CSMD1: variants seen among roughly 807,000 people sequenced by gnomAD.
CSMD1 encodes CUB and Sushi multiple domains 1, also known as CUB and sushi domain-containing protein 1.
In CSMD1, 213 loss-of-function variants were observed where a neutral mutation model predicts 417.5. That is an observed-to-expected ratio of 0.51 (90% CI 0.46 to 0.57). The LOEUF is 0.57. CSMD1 is among the 20% of genes least tolerant of loss of function. The pLI is 0.00. For missense variants in CSMD1, 6,923 were observed against 4,529.7 expected (o/e 1.53, Z -15.17); for synonymous variants, 2,862 against 1,736.8 (o/e 1.65, Z -16.11).
chr8:4,222,587 G>C (rs1045880650), intron 3 of CSMD1, among the ~76,000 whole-genome samples: 2 of 152,172 alleles, frequency 1.3e-5, no homozygotes, highest in South Asian at 4.1e-4. Context: ...TTAAAAATCT[G>C]ATTGTCCGAA....
chr8:2,966,985 T>C (rs917637894), intron 57 of CSMD1, among the ~76,000 whole-genome samples: 2 of 152,232 alleles, frequency 1.3e-5, no homozygotes, highest in African/African-American at 4.8e-5. Context: ...GAACTATTTC[T>C]AAACAAATTA....
intron 2 of CSMD1, among the ~76,000 whole-genome samples, chr8:4,559,897 A>T (rs17070614): frequency 0.022 from 3,384 of 152,302 alleles, 144 homozygotes; most frequent in African/African-American, 0.077. Context: ...TCTTTGGGTA[A>T]CTTGGGTTTC....
intron 3 of CSMD1, among the ~76,000 whole-genome samples, chr8:4,122,841 C>T (rs573123049): frequency 6.6e-6 from 1 of 152,270 alleles, no homozygotes; most frequent in South Asian, 2.1e-4. Flanking sequence ...ACAGAGTTCA[C>T]AGAGAACAGA....
At chr8:4,904,489 AT>A (rs755384411) in intron 1 of CSMD1, among the ~76,000 whole-genome samples, 27 of 152,294 alleles carry the variant, frequency 1.8e-4, no homozygotes, top group African/African-American at 6.5e-4. Context: ...GTAGGGCTCA[AT>A]CGTCCTGACT....
rs1019125835 is a variant in CSMD1, at chr8:4,445,107, A to G, written c.303-25042T>C. 3.0e-4 allele frequency among the ~76,000 whole-genome samples: 45 copies of G among 152,362 alleles called. 1 individual carries two copies. The highest frequency in any genetic ancestry group is 1.6e-3 in the Admixed American group (24 of 15,312). On this transcript the variant is annotated intron_variant, in intron 2 of 69. Coordinates refer to ENST00000635120, the MANE Select transcript of CSMD1 (RefSeq NM_033225.6). ...CATGTTACTTCTCTGAACAACAAAA[A>G]AAGTATGACTGGATAGTAGATACAG... is the stretch of plus-strand genomic sequence containing the variant.
At chr8:4,316,245 G>C (rs1798923372) in intron 3 of CSMD1, among the ~76,000 whole-genome samples, 1 of 152,118 alleles carries the variant, frequency 6.6e-6, no homozygotes, top group South Asian at 2.1e-4. Context: ...TCCATTTGTA[G>C]TGATTTTTCA....
intron 5 of CSMD1, among the ~76,000 whole-genome samples, chr8:3,880,029 A>G (rs935453804): frequency 6.6e-6 from 1 of 151,382 alleles, no homozygotes; most frequent in Non-Finnish European, 1.5e-5. Context: ...ATGTAAGTAT[A>G]AAATCCTCGA....
chr8:4,761,966 G>T (rs1230013314), intron 1 of CSMD1, among the ~76,000 whole-genome samples: 1 of 114,760 alleles, frequency 8.7e-6, no homozygotes, highest in South Asian at 2.7e-4. Context: ...TATCTATCTA[G>T]ATTCCCAGTG....
At chr8:3,858,143 G>C (rs536239994) in intron 5 of CSMD1, among the ~76,000 whole-genome samples, 1 of 152,210 alleles carries the variant, frequency 6.6e-6, no homozygotes, top group Non-Finnish European at 1.5e-5. Flanking sequence ...TCTCTCACTA[G>C]AGGTAGAAAT....
chr8:3,316,341 T>G (rs1025191552), intron 23 of CSMD1, among the ~76,000 whole-genome samples: 1 of 152,158 alleles, frequency 6.6e-6, no homozygotes, highest in Non-Finnish European at 1.5e-5. Context: ...TGTTTTCAAA[T>G]CTATCAGGAA....
chr8:4,820,397 G>C (rs776456695), intron 1 of CSMD1, among the ~76,000 whole-genome samples: 1 of 152,152 alleles, frequency 6.6e-6, no homozygotes, highest in Non-Finnish European at 1.5e-5. Flanking sequence ...AATAGAGCTT[G>C]CTTGGCAATT....
rs139062290 is a variant in CSMD1 at position 4,162,507 on chromosome 8, T to C, written c.416-130408A>G. 1.4e-3 allele frequency among the ~76,000 whole-genome samples: 215 copies of C among 152,322 alleles called. 2 individuals are homozygous for C. Among genetic ancestry groups the C allele is most frequent in the East Asian group, 0.011 (57 of 5,178 alleles). Reference sequence around the variant, plus strand: ...GATGAACAGTTTTGATCCTCATAAATCTAACTTGCCAGAATATTAAATTTT... The same window carrying C: ...GATGAACAGTTTTGATCCTCATAAACCTAACTTGCCAGAATATTAAATTTT... On this transcript the variant is annotated intron_variant, in intron 3 of 69. Transcript: ENST00000635120.
chr8:3,882,222 G>C (rs1244617578), intron 5 of CSMD1, among the ~76,000 whole-genome samples: 2 of 150,972 alleles, frequency 1.3e-5, no homozygotes, highest in Non-Finnish European at 3.0e-5. Flanking sequence ...CCATAAAGTG[G>C]AAAAAAAAGT....
At chr8:3,035,723 A>G (rs1810633310) in intron 50 of CSMD1, among the ~76,000 whole-genome samples, 3 of 152,174 alleles carry the variant, frequency 2.0e-5, no homozygotes, top group Admixed American at 6.5e-5. Context: ...TTTAACAATT[A>G]TAAGTGAATA....
At chr8:4,376,823 C>T (rs1255970423) in intron 3 of CSMD1, among the ~76,000 whole-genome samples, 1 of 152,142 alleles carries the variant, frequency 6.6e-6, no homozygotes, top group African/African-American at 2.4e-5. Context: ...TGTTCCTCAC[C>T]CCTGTGATTT....
intron 2 of CSMD1, among the ~76,000 whole-genome samples, chr8:4,433,769 G>A (rs1207720324): frequency 6.6e-6 from 1 of 152,054 alleles, no homozygotes; most frequent in Non-Finnish European, 1.5e-5. Flanking sequence ...ATTTATAGAT[G>A]GAGTTTAAAA....
chr8:3,048,040 A>C (rs1811573073), intron 50 of CSMD1, among the ~76,000 whole-genome samples: 1 of 152,208 alleles, frequency 6.6e-6, no homozygotes, highest in Admixed American at 6.5e-5. Context: ...AAGAAATCTA[A>C]GGGTAACACA....
intron 18 of CSMD1, among the ~76,000 whole-genome samples, chr8:3,370,955 C>A (rs1339682576): frequency 6.6e-6 from 1 of 150,886 alleles, no homozygotes; most frequent in African/African-American, 2.4e-5. Flanking sequence ...CAGCCTGGGG[C>A]AACAAGAGTC....
intron 2 of CSMD1, among the ~76,000 whole-genome samples, chr8:4,515,649 G>C (rs545304899): frequency 5.3e-4 from 80 of 152,184 alleles, no homozygotes; most frequent in South Asian, 1.0e-3. Context: ...AAATGAGAAC[G>C]GATTCCCTCT....
Sources: gnomAD v4.1 joint callset for allele counts (sites outside exome capture counted in the v4.1 genomes callset) on GRCh38, gnomAD v4.1.1 for gene constraint, MANE v1.5 for transcripts, NCBI Gene and HGNC (gene_info 2026-07-23, HGNC 2026-07-21) for gene names.